The following RSPH14 variants were observed in gnomAD, a reference collection of about 807,000 sequenced individuals.
The protein encoded by RSPH14 is rhabdoid tumor deletion region gene 1.
In RSPH14, 20 loss-of-function variants were observed where a neutral mutation model predicts 26.7. The observed-to-expected ratio is 0.75, with a 90% CI of 0.53 to 1.09. The LOEUF is 1.09. Ranked by LOEUF, RSPH14 falls within the 50% of genes least tolerant of loss-of-function variation. The pLI is 0.00. For synonymous variants in RSPH14, 177 were observed against 189.3 expected, an observed-to-expected ratio of 0.93 and a Z score of 0.53; for missense variants, 449 against 457.2, an observed-to-expected ratio of 0.98 and a Z score of 0.16.
chr22:23,154,459 C>T, the RSPH14 span, among the ~76,000 whole-genome samples: 2 of 152,330 alleles, frequency 1.3e-5, no homozygotes, highest in East Asian at 1.9e-4. Context: ...AGGGAGAGTA[C>T]AGGCCAGTCA....
the RSPH14 span, chr22:23,180,523 G>C: frequency 2.2e-5 from 4 of 180,780 alleles, no homozygotes; most frequent in Non-Finnish European, 4.5e-5. Flanking sequence ...AGTGCGGGCC[G>C]GGCGGGAGTG....
upstream of RSPH14, chr22:23,146,610 T>C (rs1358418633): frequency 3.1e-6 from 5 of 1,613,906 alleles, no homozygotes; most frequent in South Asian, 4.4e-5. Context: ...CACAGGACTG[T>C]GGAAGAATGA....
In RSPH14 at chr22:23,096,005, G is replaced by A. The variant is rs143839657; in HGVS notation, c.422-31872C>T. On this transcript the variant is annotated intron_variant, in intron 4 of 6. Transcript: ENST00000216036. Reference sequence around the variant, plus strand: ...CCACAACCCCGACCGCGCCTACGACGCTGTGCAGCTCTTTGCGCTGACGGG... The same window carrying A: ...CCACAACCCCGACCGCGCCTACGACACTGTGCAGCTCTTTGCGCTGACGGG... 1.2e-5 allele frequency: 19 copies of A among 1,607,998 alleles called. No homozygotes were observed. In the Middle Eastern group the frequency reaches 8.2e-4, roughly 70 times the overall value.
At chr22:23,132,029 C>T (rs1402619676) in intron 4 of RSPH14, among the ~76,000 whole-genome samples, 1 of 152,226 alleles carries the variant, frequency 6.6e-6, no homozygotes, top group East Asian at 1.9e-4. Flanking sequence ...TCATTTCTCT[C>T]TGAGCCTTAA....
the RSPH14 span, among the ~76,000 whole-genome samples, chr22:23,165,915 G>C: frequency 6.6e-6 from 1 of 152,162 alleles, no homozygotes; most frequent in Non-Finnish European, 1.5e-5. Flanking sequence ...GGGAGGCCAA[G>C]GCGGGCGGAT....
upstream of RSPH14, chr22:23,146,644 C>A: frequency 6.2e-7 from 1 of 1,613,736 alleles, no homozygotes; most frequent in Non-Finnish European, 8.5e-7. Context: ...ACCTTTGGGG[C>A]CCCCTGTGAG....
upstream of RSPH14, among the ~76,000 whole-genome samples, chr22:23,144,282 C>T (rs999779148): frequency 3.1e-5 from 3 of 96,624 alleles, no homozygotes; most frequent in African/African-American, 9.0e-5. Context: ...CAGTGGACTC[C>T]AATTTCCCTG....
chr22:23,127,242 C>T (rs923924484), intron 4 of RSPH14, among the ~76,000 whole-genome samples: 3 of 152,166 alleles, frequency 2.0e-5, no homozygotes, highest in African/African-American at 7.2e-5. Context: ...TGAGGCTGGA[C>T]CTCACCCTGG....
At chr22:23,169,533 G>A in the RSPH14 span, among the ~76,000 whole-genome samples, 1 of 152,236 alleles carries the variant, frequency 6.6e-6, no homozygotes, top group East Asian at 1.9e-4. Context: ...CATCTACAAT[G>A]TCTTGCCTGA....
At chr22:23,178,145 A>G in the RSPH14 span, among the ~76,000 whole-genome samples, 47 of 152,088 alleles carry the variant, frequency 3.1e-4, no homozygotes, top group Admixed American at 2.9e-3. Flanking sequence ...GGCTGGGTGC[A>G]GTGGCTCACA....
At chr22:23,087,160 G>A (rs1263568304) in intron 4 of RSPH14, among the ~76,000 whole-genome samples, 1 of 152,190 alleles carries the variant, frequency 6.6e-6, no homozygotes, top group Non-Finnish European at 1.5e-5. Flanking sequence ...GTTGGGGGCA[G>A]CACCCACTCT....
chr22:23,072,707 C>T (rs1447871937), intron 4 of RSPH14, among the ~76,000 whole-genome samples: 5 of 152,228 alleles, frequency 3.3e-5, no homozygotes, highest in South Asian at 2.1e-4. Flanking sequence ...CTGTGCCTGT[C>T]GCCTGGACTG....
upstream of RSPH14, chr22:23,142,067 A>C (rs2301554): frequency 0.53 from 518,397 of 983,368 alleles, 137,940 homozygotes; most frequent in Non-Finnish European, 0.54. Flanking sequence ...GGTCGACATA[A>C]TCAGCACCCA....
chr22:23,179,158 A>G, the RSPH14 span, among the ~76,000 whole-genome samples: 1 of 152,236 alleles, frequency 6.6e-6, no homozygotes, highest in African/African-American at 2.4e-5. Flanking sequence ...ACTTCAAAGT[A>G]TCTGCTCCAG....
the RSPH14 span, among the ~76,000 whole-genome samples, chr22:23,169,706 G>A: frequency 6.6e-6 from 1 of 152,262 alleles, no homozygotes; most frequent in African/African-American, 2.4e-5. Context: ...GTTCCAGGCT[G>A]GCCCCCTGGT....
chr22:23,138,854 G>A lies in RSPH14; in HGVS notation c.288C>T (p.Ser96=). 6.4e-7 allele frequency: 1 copy of A among 1,551,402 alleles called. No individual in the cohort carries two copies. The highest frequency in any genetic ancestry group is 1.2e-5 in the South Asian group (1 of 84,028). The part of the protein sequence containing the change: ...KTTEVLHITA[S]HSVGRYAFLE... ...CAGCATCCCACCTGCCCACGCTATGGCTTGCCGTGATGTGGAGCACCTCGG... is the reference window on the plus strand; with the variant it reads ...CAGCATCCCACCTGCCCACGCTATGACTTGCCGTGATGTGGAGCACCTCGG... The change falls in exon 3 of 7, where the codon AGC becomes AGT. Residue 96 remains serine, a synonymous_variant. Transcript: ENST00000216036.
In RSPH14 at chr22:23,139,679, C is replaced by T. The variant is rs575689755; in HGVS notation, c.199+543G>A. ...CTAGCTTTATTTATTTATTGGGCAA[C>T]CCTAGACTTACAATCCTTCTCTGAA... On this transcript the variant is annotated intron_variant, in intron 2 of 6. Coordinates refer to ENST00000216036, the MANE Select transcript of RSPH14 (RefSeq NM_014433.3). Among the ~76,000 whole-genome samples the T allele has an allele frequency of 1.7e-4, 26 of 152,178 alleles. No individual in the cohort carries two copies. In the South Asian group the frequency reaches 5.0e-3, roughly 29 times the overall value.
At chr22:23,142,562 T>C (rs1221416145), upstream of RSPH14, among the ~76,000 whole-genome samples, 3 of 152,222 alleles carry the variant, frequency 2.0e-5, no homozygotes, top group Non-Finnish European at 4.4e-5. Context: ...GGTCTCGAAC[T>C]CCTGACCTCA....
At chr22:23,088,487 G>A (rs1002759452) in intron 4 of RSPH14, among the ~76,000 whole-genome samples, 8 of 152,336 alleles carry the variant, frequency 5.3e-5, no homozygotes, top group African/African-American at 4.8e-5. Context: ...GATAAAAGGC[G>A]TCTCAGCAAA....
Sources: allele counts gnomAD v4.1 joint callset (sites outside exome capture counted in the v4.1 genomes callset), GRCh38; gene constraint gnomAD v4.1.1; transcripts MANE v1.5; gene names NCBI Gene and HGNC (gene_info 2026-07-23, HGNC 2026-07-21).